The following EPS15L1 variants were observed in gnomAD, a reference collection of about 807,000 sequenced individuals.
EPS15L1 encodes the protein epidermal growth factor receptor pathway substrate 15 like 1.
In EPS15L1, 43 loss-of-function variants were observed where a neutral mutation model predicts 117.1. The observed-to-expected ratio is 0.37, with a 90% CI of 0.29 to 0.47. EPS15L1 has a LOEUF of 0.47. EPS15L1 is among the 20% of genes least tolerant of loss of function. EPS15L1 has a pLI of 0.99. For missense variants in EPS15L1, 981 were observed against 1,164.0 expected (o/e 0.84, Z 2.29); for synonymous variants, 459 against 470.5 (o/e 0.98, Z 0.32).
intron 13 of EPS15L1, among the ~76,000 whole-genome samples, chr19:16,407,925 T>G (rs2092671632): frequency 6.6e-6 from 1 of 152,230 alleles, no homozygotes; most frequent in South Asian, 2.1e-4. Flanking sequence ...GGACAGAGAC[T>G]GTGTCTCCAA....
chr19:16,431,775 T>C (rs775750467), intron 7 of EPS15L1, among the ~76,000 whole-genome samples: 1 of 152,194 alleles, frequency 6.6e-6, no homozygotes, highest in Non-Finnish European at 1.5e-5. Flanking sequence ...TGATTACACA[T>C]TGTGTGCATG....
chr19:16,378,655 A>G (rs2092325595), intron 21 of EPS15L1, among the ~76,000 whole-genome samples: 1 of 151,912 alleles, frequency 6.6e-6, no homozygotes, highest in African/African-American at 2.4e-5. Context: ...AGCAGATACT[A>G]AGCGCCGCCA....
At chr19:16,413,154 G>A (rs1020837468) in intron 13 of EPS15L1, 45 of 663,472 alleles carry the variant, frequency 6.8e-5, no homozygotes, top group Non-Finnish European at 1.1e-4. Flanking sequence ...CATCCGCAGG[G>A]CCATCATACT....
chr19:16,443,240 T>TG (rs1052499262), intron 1 of EPS15L1, among the ~76,000 whole-genome samples: 1 of 152,134 alleles, frequency 6.6e-6, no homozygotes, highest in African/African-American at 2.4e-5. Context: ...AGGACTATCT[T>TG]GGGGGCAGGA....
chr19:16,460,790 C>A (rs1485114912), intron 1 of EPS15L1, among the ~76,000 whole-genome samples: 4 of 152,158 alleles, frequency 2.6e-5, no homozygotes, highest in Non-Finnish European at 5.9e-5. Flanking sequence ...GTGTCTGGGA[C>A]CCCCCAACCA....
At chr19:16,380,770 G>A (rs527772078) in intron 21 of EPS15L1, among the ~76,000 whole-genome samples, 6 of 152,236 alleles carry the variant, frequency 3.9e-5, no homozygotes, top group Admixed American at 3.3e-4. Flanking sequence ...AGACATGGCC[G>A]TTTAGGCCTC....
intron 16 of EPS15L1, chr19:16,401,977 G>A (rs1313823508): frequency 9.4e-7 from 1 of 1,064,066 alleles, no homozygotes; most frequent in East Asian, 7.3e-5. Context: ...TTTCCACAAT[G>A]AGCAGAAACT....
rs548740309 is a variant in EPS15L1 at position 16,433,548 on chromosome 19, A to AG, written c.498+816dup. On this transcript the variant is annotated intron_variant, in intron 7 of 23. Transcript: ENST00000455140. The stretch of plus-strand genomic sequence containing the variant: ...GAGTAATTAATAGTAGAAAAGAGCC[A>AG]GGAGTGGTGGTGCTCTTGCAGTCCC... 7.2e-5 allele frequency among the ~76,000 whole-genome samples: 11 copies of AG among 152,308 alleles called. No homozygotes were observed. The South Asian group carries it at 2.3e-3, about 32-fold the overall frequency.
In EPS15L1 at chr19:16,381,029, C is replaced by T. The variant is rs2092356472; in HGVS notation, c.2248-3775G>A. On this transcript the variant is annotated intron_variant, in intron 21 of 23. Transcript: ENST00000455140. This position sits in a 1 kb window ranked among gnomAD's most constrained non-coding sequence, Gnocchi z 4.2. The stretch of plus-strand genomic sequence containing the variant: ...GAGGCAGCCTACCCATTCCAGGTCC[C>T]CCCGATAAGGGCAGTGGCAGGTGCC... Among the ~76,000 whole-genome samples the T allele has an allele frequency of 2.0e-5, 3 of 152,230 alleles. No individual in the cohort carries two copies. The highest frequency in any genetic ancestry group is 7.2e-5 in the African/African-American group (3 of 41,460).
chr19:16,391,461 A>T (rs1415892712), intron 19 of EPS15L1, among the ~76,000 whole-genome samples: 2 of 152,068 alleles, frequency 1.3e-5, no homozygotes, highest in African/African-American at 4.8e-5. Context: ...GTCCACAGGG[A>T]GTGAGCGAGG....
At position 16,361,837 on chromosome 19, in the gene EPS15L1, G is replaced by A; in HGVS notation, c.2528C>T (p.Pro843Leu). ...DPFSGKDPFV[P>L]SSAAKPSKAS... is the part of the protein sequence containing the mutation. ...CTTAGAAGGTTTAGCTGCAGAGGAG[G>A]GGACAAATGGGTCTTTTCCACTAAA... is the stretch of plus-strand genomic sequence containing the variant. Residue 843 changes from proline to leucine, a missense_variant, in exon 23 of 24, where the codon CCC (proline) becomes CTC (leucine). Physicochemically the swap from Pro to Leu is moderately conservative, Grantham distance 98. Transcript: ENST00000455140. 6.2e-7 allele frequency: 1 copy of A among 1,614,028 alleles called. No individual in the cohort carries two copies. The highest frequency in any genetic ancestry group is 8.5e-7 in the Non-Finnish European group (1 of 1,179,998).
At chr19:16,426,361 A>C (rs1175934400) in intron 8 of EPS15L1, among the ~76,000 whole-genome samples, 1 of 152,218 alleles carries the variant, frequency 6.6e-6, no homozygotes, top group Non-Finnish European at 1.5e-5. Context: ...GAAACCAGGC[A>C]TGGTGGCTCA....
intron 21 of EPS15L1, chr19:16,384,247 G>C (rs2092395086): frequency 6.6e-6 from 1 of 152,162 alleles, no homozygotes; most frequent in African/African-American, 2.4e-5. Flanking sequence ...GTCAGGGACG[G>C]GACACACCTC....
At position 16,355,629 on chromosome 19, in the gene EPS15L1, G is replaced by A; in HGVS notation, c.*76C>T. The A allele has an allele frequency of 6.8e-7, 1 of 1,466,314 alleles. No homozygotes were observed. 90.8% of individuals were successfully genotyped at this position (1,466,314 alleles called of 1,614,324 possible). ...GGAGTACGGTGGCGACGGTGTGTGT[G>A]TGTATATATAGACATCTGCACTGCC... is the stretch of plus-strand genomic sequence containing the variant. On this transcript the variant is annotated 3_prime_UTR_variant, in exon 24 of 24. Coordinates refer to ENST00000455140, the MANE Select transcript of EPS15L1 (RefSeq NM_001258374.3).
At chr19:16,401,111 G>C in intron 16 of EPS15L1, 2 of 985,414 alleles carry the variant, frequency 2.0e-6, no homozygotes, top group Non-Finnish European at 2.4e-6. Context: ...CGATAAAGCT[G>C]ATGATGACGG....
At chr19:16,414,073 G>A (rs2092733417) in intron 12 of EPS15L1, among the ~76,000 whole-genome samples, 1 of 152,068 alleles carries the variant, frequency 6.6e-6, no homozygotes, top group African/African-American at 2.4e-5. Flanking sequence ...TCTAAAAGCA[G>A]CGCGCTTTCT....
intron 21 of EPS15L1, among the ~76,000 whole-genome samples, chr19:16,382,740 T>C (rs545830033): frequency 2.6e-5 from 4 of 152,088 alleles, no homozygotes; most frequent in Non-Finnish European, 5.9e-5. Context: ...TTATGTCACA[T>C]AGGCTTGATA....
Position 16,403,836 on chromosome 19 carries a change from A to C in EPS15L1, c.1523T>G (p.Leu508Trp). 6.2e-7 allele frequency: 1 copy of C among 1,614,120 alleles called. No homozygotes were observed. Among genetic ancestry groups the C allele is most frequent in the African/African-American group, 1.3e-5 (1 of 75,032 alleles). Residue 508 changes from leucine (L) to tryptophan (W), a missense_variant, in exon 15 of 24, where the codon TTG (leucine) becomes TGG (tryptophan). Coordinates refer to ENST00000455140, the MANE Select transcript of EPS15L1 (RefSeq NM_001258374.3). ...CTCCAGCTGGGTTTCCTCCTGCTGC[A>C]ATCGGTTCAGCTCCGACTTGGCTCG... is the stretch of plus-strand genomic sequence containing the variant. ...LNRAKSELNR[L>W]QQEETQLEQS... is the part of the protein sequence containing the mutation.
chr19:16,449,660 A>T (rs1472278192), intron 1 of EPS15L1, among the ~76,000 whole-genome samples: 1 of 152,202 alleles, frequency 6.6e-6, no homozygotes, highest in Non-Finnish European at 1.5e-5. Flanking sequence ...TTTACCCGGG[A>T]GAAATGAAGA....
Sources: allele counts gnomAD v4.1 joint callset (sites outside exome capture counted in the v4.1 genomes callset), GRCh38; gene constraint gnomAD v4.1.1; non-coding constraint Gnocchi (gnomAD v3.1); transcripts MANE v1.5; gene names NCBI Gene and HGNC (gene_info 2026-07-23, HGNC 2026-07-21).